Variants in C8orf34 observed in about 807,000 individuals in gnomAD.
C8orf34 encodes the protein uncharacterized protein C8orf34.
A neutral mutation model predicts 68.3 loss-of-function variants in C8orf34; 65 were observed. The observed-to-expected ratio is 0.95, with a 90% CI of 0.78 to 1.17. C8orf34 has a LOEUF of 1.17. Among genes scored for constraint, C8orf34 ranks in the 50% most tolerant of loss-of-function variants. The pLI, the probability that C8orf34 is intolerant of heterozygous loss-of-function variation, is 0.00. For synonymous variants in C8orf34, 244 were observed against 241.2 expected (o/e 1.01, Z -0.11); for missense variants, 664 against 655.4 (o/e 1.01, Z -0.14).
At chr8:68,785,840 A>C (rs1271410003) in intron 11 of C8orf34, among the ~76,000 whole-genome samples, 1 of 151,724 alleles carries the variant, frequency 6.6e-6, no homozygotes, top group East Asian at 1.9e-4. Flanking sequence ...CCAACCCACC[A>C]CTCCACTTCC....
At chr8:68,563,107 T>C (rs1191305169) in intron 7 of C8orf34, among the ~76,000 whole-genome samples, 2 of 152,182 alleles carry the variant, frequency 1.3e-5, no homozygotes, top group African/African-American at 4.8e-5. Context: ...AACCTCCTAA[T>C]ATTACTAACA....
At chr8:68,473,849 T>C (rs1007181334) in intron 4 of C8orf34, among the ~76,000 whole-genome samples, 1 of 152,162 alleles carries the variant, frequency 6.6e-6, no homozygotes, top group Non-Finnish European at 1.5e-5. Context: ...AGTTTTCCAG[T>C]CTTCATGTTA....
intron 7 of C8orf34, among the ~76,000 whole-genome samples, chr8:68,613,011 C>A (rs1369301452): frequency 1.3e-5 from 2 of 152,132 alleles, no homozygotes; most frequent in Non-Finnish European, 2.9e-5. Flanking sequence ...ATGCTCCATC[C>A]ACTTGAATAT....
intron 10 of C8orf34, among the ~76,000 whole-genome samples, chr8:68,767,901 C>T (rs1823227396): frequency 6.6e-6 from 1 of 152,078 alleles, no homozygotes; most frequent in South Asian, 2.1e-4. Flanking sequence ...ATATTCTATC[C>T]TATCATTTAT....
At chr8:68,695,254 C>T (rs1201077792) in intron 8 of C8orf34, among the ~76,000 whole-genome samples, 3 of 151,436 alleles carry the variant, frequency 2.0e-5, no homozygotes, top group African/African-American at 7.3e-5. Flanking sequence ...TCAACCGATT[C>T]TCCTGCCTCA....
chr8:68,406,241 T>C (rs1809187483), intron 1 of C8orf34, among the ~76,000 whole-genome samples: 1 of 152,044 alleles, frequency 6.6e-6, no homozygotes, highest in African/African-American at 2.4e-5. Flanking sequence ...ATACACGTAG[T>C]TTTGGTCTTT....
At chr8:68,545,823 T>A (rs969619729) in intron 7 of C8orf34, among the ~76,000 whole-genome samples, 1 of 152,136 alleles carries the variant, frequency 6.6e-6, no homozygotes, top group Admixed American at 6.6e-5. Flanking sequence ...TGTAAGACTA[T>A]CTTACTTTTC....
At chr8:68,417,827 G>A (rs1041378030) in intron 1 of C8orf34, among the ~76,000 whole-genome samples, 1 of 151,952 alleles carries the variant, frequency 6.6e-6, no homozygotes, top group Non-Finnish European at 1.5e-5. Context: ...CCAATTCTGT[G>A]AAGAAAGTCA....
At chr8:68,533,672 T>G in intron 7 of C8orf34, 1 of 967,600 alleles carries the variant, frequency 1.0e-6, no homozygotes, top group Non-Finnish European at 1.2e-6. Context: ...TCAGGCCTGT[T>G]ACTTTCATGA....
intron 6 of C8orf34, among the ~76,000 whole-genome samples, chr8:68,527,128 T>C (rs1815031811): frequency 6.6e-6 from 1 of 152,190 alleles, no homozygotes; most frequent in Non-Finnish European, 1.5e-5. Flanking sequence ...CACTTTCTCT[T>C]GATGTGGGAT....
intron 7 of C8orf34, among the ~76,000 whole-genome samples, chr8:68,576,279 A>T (rs1416799964): frequency 6.7e-6 from 1 of 148,480 alleles, no homozygotes; most frequent in Non-Finnish European, 1.5e-5. Context: ...AAAAAATAGC[A>T]ACCTTTCCCT....
intron 5 of C8orf34, among the ~76,000 whole-genome samples, chr8:68,498,509 G>C (rs975869819): frequency 6.6e-6 from 1 of 152,136 alleles, no homozygotes; most frequent in African/African-American, 2.4e-5. Context: ...GGTACTCTAA[G>C]GACAGGGAGA....
At chr8:68,368,308 G>C (rs999968909) in intron 1 of C8orf34, among the ~76,000 whole-genome samples, 2 of 152,100 alleles carry the variant, frequency 1.3e-5, no homozygotes, top group African/African-American at 2.4e-5. Context: ...GTGTAAAGAG[G>C]CATATTGTTT....
chr8:68,669,669 T>C (rs1317737683), intron 8 of C8orf34, among the ~76,000 whole-genome samples: 1 of 152,312 alleles, frequency 6.6e-6, no homozygotes, highest in African/African-American at 2.4e-5. Context: ...ATGAATAAAG[T>C]TCTGAGCTCA....
chr8:68,427,434 G>T (rs1247568636), intron 1 of C8orf34, among the ~76,000 whole-genome samples: 1 of 151,982 alleles, frequency 6.6e-6, no homozygotes, highest in East Asian at 1.9e-4. Flanking sequence ...AATATTAAAA[G>T]CAAATATCAA....
At chr8:68,660,961 A>G (rs1166616355) in intron 8 of C8orf34, among the ~76,000 whole-genome samples, 3 of 152,174 alleles carry the variant, frequency 2.0e-5, no homozygotes, top group Admixed American at 6.5e-5. Flanking sequence ...GAGAAAATAT[A>G]TAGCATTATG....
intron 11 of C8orf34, 86 bp from the exon 12 acceptor site, chr8:68,787,357 G>A (rs1001729885): frequency 4.5e-5 from 36 of 801,618 alleles, no homozygotes; most frequent in Non-Finnish European, 6.6e-5. Context: ...TGAAGATGCA[G>A]TTCATAAAGA....
At chr8:68,590,525 T>A (rs188333265) in intron 7 of C8orf34, among the ~76,000 whole-genome samples, 13 of 152,104 alleles carry the variant, frequency 8.5e-5, no homozygotes, top group Admixed American at 8.5e-4. Flanking sequence ...AGGAGGATGG[T>A]GGAAAGGAGA....
chr8:68,737,598 C>G (rs1380299873), intron 10 of C8orf34, among the ~76,000 whole-genome samples: 2 of 151,358 alleles, frequency 1.3e-5, no homozygotes, highest in African/African-American at 4.9e-5. Flanking sequence ...AAATGGAAAA[C>G]AGAAAAAAGC....
Sources: allele counts gnomAD v4.1 joint callset (sites outside exome capture counted in the v4.1 genomes callset), GRCh38; gene constraint gnomAD v4.1.1; transcripts MANE v1.5; gene names NCBI Gene and HGNC (gene_info 2026-07-23, HGNC 2026-07-21).